Variants in NFIB observed in about 807,000 individuals in gnomAD.
NFIB encodes nuclear factor 1 B-type.
In NFIB, 11 loss-of-function variants were observed where a neutral mutation model predicts 61.5. The observed-to-expected ratio is 0.18, with a 90% CI of 0.11 to 0.30. The LOEUF is 0.30. Ranked by LOEUF, NFIB falls within the 10% of genes least tolerant of loss-of-function variation. The pLI is 1.00. For missense variants in NFIB, 471 were observed against 608.9 expected (o/e 0.77, Z 2.38); for synonymous variants, 260 against 216.5 (o/e 1.20, Z -1.76).
chr9:14,214,422 CCTGAAGG>C (rs1443805887), intron 2 of NFIB, among the ~76,000 whole-genome samples: 1 of 152,190 alleles, frequency 6.6e-6, no homozygotes, highest in Non-Finnish European at 1.5e-5. Flanking sequence ...GGGAGCTGGT[CCTGAAGG>C]CAAATTATGG....
intron 1 of NFIB, among the ~76,000 whole-genome samples, chr9:14,353,663 G>A (rs2061140731): frequency 2.0e-5 from 3 of 152,126 alleles, no homozygotes; most frequent in South Asian, 2.1e-4. Flanking sequence ...CCTGGTGTCC[G>A]ACTGGCCGCC....
intron 1 of NFIB, among the ~76,000 whole-genome samples, chr9:14,391,928 T>C (rs760856650): frequency 2.6e-5 from 4 of 152,160 alleles, no homozygotes; most frequent in African/African-American, 4.8e-5. Flanking sequence ...CTCTGCCTTA[T>C]ACCTACTTCT....
chr9:14,150,092 T>A, intron 5 of NFIB, 53 bp downstream of exon 5: 1 of 1,609,494 alleles, frequency 6.2e-7, no homozygotes, highest in Non-Finnish European at 8.5e-7. Flanking sequence ...ATCATCCACC[T>A]ACGAACCTAT....
At chr9:14,183,629 T>C (rs2047042088) in intron 2 of NFIB, among the ~76,000 whole-genome samples, 1 of 151,942 alleles carries the variant, frequency 6.6e-6, no homozygotes, top group Non-Finnish European at 1.5e-5. Flanking sequence ...GGTCTTGAAC[T>C]CCTGGCCTGA....
chr9:14,237,763 AGTGTGTGTGTGTGTGTGTGTGT>A (rs71321971), intron 2 of NFIB, among the ~76,000 whole-genome samples: 31 of 85,132 alleles, frequency 3.6e-4, no homozygotes, highest in African/African-American at 4.3e-4. Flanking sequence ...TAGGTATAAC[AGTGTGTGTGTGTGTGTGTGTGT>A]GTGTGTGTGT....
At position 14,184,886 on chromosome 9, in the gene NFIB, G is replaced by A. The variant is rs548631802; in HGVS notation, c.563-5106C>T. On this transcript the variant is annotated intron_variant, in intron 2 of 10. Coordinates refer to ENST00000380953, the MANE Select transcript of NFIB (RefSeq NM_001190737.2). The stretch of plus-strand genomic sequence containing the variant: ...AAAATACAAAAAAGTAGCCAGGTGC[G>A]GTGGCACACACCTGTAATCCCAGCT... Among the ~76,000 whole-genome samples the A allele has an allele frequency of 3.0e-4, 45 of 152,050 alleles. 1 individual carries two copies. Among genetic ancestry groups the A allele is most frequent in the South Asian group, 2.1e-4 (1 of 4,820 alleles).
At chr9:14,444,739 A>T in the NFIB span, among the ~76,000 whole-genome samples, 1 of 152,166 alleles carries the variant, frequency 6.6e-6, no homozygotes, top group Non-Finnish European at 1.5e-5. Flanking sequence ...ATATGTCAGA[A>T]GAATATAAAA....
chr9:14,417,872 C>A, the NFIB span, among the ~76,000 whole-genome samples: 1 of 150,398 alleles, frequency 6.6e-6, no homozygotes, highest in Non-Finnish European at 1.5e-5. Flanking sequence ...CCTCTGCCTC[C>A]CGAGTTCAAG....
chr9:14,088,456 A>G lies in NFIB; in HGVS notation c.1468-130T>C, dbSNP rs369361736. 187 of 982,604 alleles carry G rather than the reference A, an allele frequency of 1.9e-4. No homozygotes were observed. The East Asian group carries it at 3.2e-3, about 17-fold the overall frequency. The allele number at this position is 982,604 out of a possible 1,614,324, so 60.9% of individuals were successfully genotyped here. Reference sequence around the variant, plus strand: ...TTGCTATCCCTATTTTCAAAATTACAGTCTAATATGAGATAAATGTGCCAA... The same window carrying G: ...TTGCTATCCCTATTTTCAAAATTACGGTCTAATATGAGATAAATGTGCCAA... On this transcript the variant is annotated intron_variant, in intron 10 of 10. Transcript: ENST00000380953.
At chr9:14,288,860 C>T (rs918364942) in intron 2 of NFIB, among the ~76,000 whole-genome samples, 1 of 151,934 alleles carries the variant, frequency 6.6e-6, no homozygotes, top group African/African-American at 2.4e-5. Context: ...CAGTACAGTG[C>T]TTCCACTCCA....
intron 10 of NFIB, among the ~76,000 whole-genome samples, chr9:14,098,624 T>G (rs2035251066): frequency 6.6e-6 from 1 of 152,176 alleles, no homozygotes; most frequent in South Asian, 2.1e-4. Flanking sequence ...AACACAACAG[T>G]ACCTACCTTA....
At chr9:14,434,856 C>T in the NFIB span, among the ~76,000 whole-genome samples, 1 of 152,310 alleles carries the variant, frequency 6.6e-6, no homozygotes, top group East Asian at 1.9e-4. Context: ...AGGGTGCCTC[C>T]TTTAATTCCT....
chr9:14,168,921 A>G (rs2045244756), intron 3 of NFIB, among the ~76,000 whole-genome samples: 1 of 152,214 alleles, frequency 6.6e-6, no homozygotes, highest in Non-Finnish European at 1.5e-5. Context: ...AACATTATAT[A>G]AGGTAACATT....
chr9:14,459,406 T>C, the NFIB span, among the ~76,000 whole-genome samples: 1 of 152,124 alleles, frequency 6.6e-6, no homozygotes, highest in African/African-American at 2.4e-5. Context: ...CCTAAAACCA[T>C]AAAAACCCTA....
At chr9:14,285,816 G>C (rs1033008299) in intron 2 of NFIB, among the ~76,000 whole-genome samples, 1 of 152,138 alleles carries the variant, frequency 6.6e-6, no homozygotes, top group African/African-American at 2.4e-5. Context: ...CCCACCTTAA[G>C]TGGGTATCAC....
chr9:14,217,767 C>G lies in NFIB; in HGVS notation c.563-37987G>C, dbSNP rs1055545799. Among the ~76,000 whole-genome samples the G allele has an allele frequency of 2.0e-5, 3 of 151,252 alleles. No individual in the cohort carries two copies. The East Asian group carries it at 5.8e-4, about 29-fold the overall frequency. On this transcript the variant is annotated intron_variant, in intron 2 of 10. Coordinates refer to ENST00000380953, the MANE Select transcript of NFIB (RefSeq NM_001190737.2). ...TCCAAACACTCATATTGCTAATTAT[C>G]TCATTCAAGATATTACTTCACCATG... is the stretch of plus-strand genomic sequence containing the variant.
chr9:14,343,994 A>G (rs575431949), intron 1 of NFIB, among the ~76,000 whole-genome samples: 62 of 152,154 alleles, frequency 4.1e-4, no homozygotes, highest in African/African-American at 1.5e-3. Flanking sequence ...AAGAAACAGA[A>G]GTTTTGAGGA....
the NFIB span, among the ~76,000 whole-genome samples, chr9:14,443,686 CT>C: frequency 4.6e-5 from 7 of 152,192 alleles, no homozygotes; most frequent in Non-Finnish European, 1.0e-4. Context: ...TCTTGCCTTC[CT>C]ATTTTTGCCT....
At chr9:14,494,902 T>G in the NFIB span, among the ~76,000 whole-genome samples, 2 of 152,188 alleles carry the variant, frequency 1.3e-5, no homozygotes, top group African/African-American at 2.4e-5. Context: ...CACAGAATCT[T>G]CCTTAAAATC....
Sources: gnomAD v4.1 joint callset for allele counts (sites outside exome capture counted in the v4.1 genomes callset) on GRCh38, gnomAD v4.1.1 for gene constraint, MANE v1.5 for transcripts, NCBI Gene and HGNC (gene_info 2026-07-23, HGNC 2026-07-21) for gene names.